Variants in CTNNA2 observed in about 807,000 individuals in gnomAD.
CTNNA2 encodes catenin alpha 2, also known as catenin alpha-2.
Under a neutral mutation model 101.0 loss-of-function variants are expected in CTNNA2, and 42 were observed. That is an observed-to-expected ratio of 0.42 (90% confidence interval 0.32 to 0.54). The LOEUF (loss-of-function observed/expected upper bound fraction) is 0.54. Among genes scored for constraint, CTNNA2 ranks in the 20% least tolerant of loss-of-function variants. CTNNA2 has a pLI of 0.14. For synonymous variants in CTNNA2, 450 were observed against 456.4 expected (o/e 0.99, Z 0.18); for missense variants, 871 against 1,223.1 (o/e 0.71, Z 4.29).
At chr2:80,489,483 T>C (rs11886059) in intron 9 of CTNNA2, among the ~76,000 whole-genome samples, 13,754 of 152,186 alleles carry the variant, frequency 0.09, 2,026 homozygotes, top group African/African-American at 0.31. Context: ...TTTCAGTAGA[T>C]CATCCTGAAC....
At chr2:80,126,778 C>A (rs1702159505) in intron 7 of CTNNA2, among the ~76,000 whole-genome samples, 1 of 152,022 alleles carries the variant, frequency 6.6e-6, no homozygotes, top group African/African-American at 2.4e-5. Context: ...TAAATCATGG[C>A]TGTCTGATTT....
chr2:79,880,344 G>A (rs564919002), intron 6 of CTNNA2, among the ~76,000 whole-genome samples: 6 of 152,146 alleles, frequency 3.9e-5, no homozygotes, highest in Non-Finnish European at 8.8e-5. Context: ...AATGAGTTAG[G>A]GAGGAGTCCT....
chr2:79,259,573 A>T (rs1431919971), intron 2 of CTNNA2, among the ~76,000 whole-genome samples: 1 of 152,134 alleles, frequency 6.6e-6, no homozygotes, highest in Non-Finnish European at 1.5e-5. Context: ...TTTTATTGCC[A>T]GGAACGCCCA....
In CTNNA2 at chr2:80,037,776, AT is replaced by A. The variant is rs372152658; in HGVS notation, c.1056+127981del. ...CTTATTCTCTTCTTTATTGTCATTCATTCTGTAACTAAAAAAAATTAGTTTT... is the reference window on the plus strand; with the variant it reads ...CTTATTCTCTTCTTTATTGTCATTCATCTGTAACTAAAAAAAATTAGTTTT... On this transcript the variant is annotated intron_variant, in intron 7 of 18. Transcript: ENST00000402739. Among the ~76,000 whole-genome samples, 17 of 152,302 alleles carry A rather than the reference AT, an allele frequency of 1.1e-4. No homozygotes were observed. The East Asian group carries it at 2.3e-3, about 21-fold the overall frequency.
At chr2:80,037,244 G>A (rs1172198627) in intron 7 of CTNNA2, among the ~76,000 whole-genome samples, 1 of 152,040 alleles carries the variant, frequency 6.6e-6, no homozygotes, top group East Asian at 1.9e-4. Flanking sequence ...AGAAGACTTG[G>A]TATTTTCTCA....
At chr2:79,861,983 A>G (rs747841276) in intron 4 of CTNNA2, among the ~76,000 whole-genome samples, 2 of 152,188 alleles carry the variant, frequency 1.3e-5, no homozygotes, top group Non-Finnish European at 2.9e-5. Flanking sequence ...GATATGTGGC[A>G]TCCGGAATTT....
chr2:80,611,235 TTTGC>T (rs1207997790), intron 17 of CTNNA2, among the ~76,000 whole-genome samples: 1 of 151,512 alleles, frequency 6.6e-6, no homozygotes, highest in Non-Finnish European at 1.5e-5. Flanking sequence ...TAGTTTAATG[TTTGC>T]TTGAATTCTT....
At chr2:79,188,485 A>C (rs1200638214) in intron 1 of CTNNA2, among the ~76,000 whole-genome samples, 2 of 152,182 alleles carry the variant, frequency 1.3e-5, no homozygotes, top group African/African-American at 4.8e-5. Flanking sequence ...GACCCCACCT[A>C]TTGCTGGAAC....
intron 9 of CTNNA2, among the ~76,000 whole-genome samples, chr2:80,428,323 C>T (rs551800767): frequency 6.6e-6 from 1 of 152,306 alleles, no homozygotes; most frequent in East Asian, 1.9e-4. Flanking sequence ...TAAAAGTTCA[C>T]AGTGCTGCTT....
At position 80,559,814 on chromosome 2, in the gene CTNNA2, T is replaced by A. The variant is rs572925388; in HGVS notation, c.1741+3921T>A. 9.2e-5 allele frequency among the ~76,000 whole-genome samples: 14 copies of A among 151,522 alleles called. 1 individual carries two copies. The highest frequency in any genetic ancestry group is 6.8e-3 in the Middle Eastern group (2 of 292). ...ACCAGACCCATCTTCATAGATCTCG[T>A]TTACAAAGTTGGGTTGCTGCAGGAG... On this transcript the variant is annotated intron_variant, in intron 12 of 18. Coordinates refer to ENST00000402739, the MANE Select transcript of CTNNA2 (RefSeq NM_001282597.3).
intron 1 of CTNNA2, among the ~76,000 whole-genome samples, chr2:79,625,450 A>T (rs977131177): frequency 1.3e-5 from 2 of 152,224 alleles, no homozygotes; most frequent in African/African-American, 4.8e-5. Context: ...CAATGGTAGA[A>T]TATAATAGAA....
chr2:79,619,097 T>C (rs187545086), intron 1 of CTNNA2, among the ~76,000 whole-genome samples: 1 of 152,238 alleles, frequency 6.6e-6, no homozygotes, highest in Non-Finnish European at 1.5e-5. Flanking sequence ...TCCCAGCTAG[T>C]TGGGAGGCTG....
chr2:79,863,889 G>T (rs1403726323), intron 4 of CTNNA2, among the ~76,000 whole-genome samples: 1 of 152,092 alleles, frequency 6.6e-6, no homozygotes, highest in African/African-American at 2.4e-5. Flanking sequence ...TTCATGGAGG[G>T]GTGTCTTGCT....
chr2:79,270,457 T>C (rs1191649646), intron 2 of CTNNA2, among the ~76,000 whole-genome samples: 1 of 152,102 alleles, frequency 6.6e-6, no homozygotes, highest in African/African-American at 2.4e-5. Context: ...ACCCCCTGCT[T>C]TGCTAATTCT....
chr2:79,490,618 A>G (rs527729073), intron 4 of CTNNA2, among the ~76,000 whole-genome samples: 4 of 152,312 alleles, frequency 2.6e-5, no homozygotes, highest in Middle Eastern at 3.4e-3. Flanking sequence ...AAGAGTTATT[A>G]CAACTGAATA....
At chr2:80,611,723 A>T (rs216675) in intron 17 of CTNNA2, among the ~76,000 whole-genome samples, 36,116 of 151,426 alleles carry the variant, frequency 0.24, 6,453 homozygotes, top group African/African-American at 0.51. Context: ...GAACAATATT[A>T]GAAATACTAA....
chr2:80,155,062 G>A (rs1703929418), intron 7 of CTNNA2, among the ~76,000 whole-genome samples: 2 of 152,142 alleles, frequency 1.3e-5, no homozygotes, highest in South Asian at 4.1e-4. Flanking sequence ...TCTCTTTAAT[G>A]TCTAGCTTAT....
rs915248420 is a variant in CTNNA2, at chr2:80,362,944, C to T, written c.1057-30267C>T. 6.0e-5 allele frequency among the ~76,000 whole-genome samples: 9 copies of T among 150,576 alleles called. No homozygotes were observed. The Admixed American group carries it at 6.0e-4, about 10-fold the overall frequency. On this transcript the variant is annotated intron_variant, in intron 7 of 18. Transcript: ENST00000402739. ...AGGCTTAGGTTTGCTATATATCAGG[C>T]CTGTGAATTACCACTGCACCATGGC...
At chr2:79,432,969 G>A (rs1678673135) in intron 4 of CTNNA2, among the ~76,000 whole-genome samples, 1 of 152,190 alleles carries the variant, frequency 6.6e-6, no homozygotes, top group Non-Finnish European at 1.5e-5. Flanking sequence ...GACAGCCTGG[G>A]CTGTCCCTGT....
Sources: allele counts gnomAD v4.1 joint callset (sites outside exome capture counted in the v4.1 genomes callset), GRCh38; gene constraint gnomAD v4.1.1; transcripts MANE v1.5; gene names NCBI Gene and HGNC (gene_info 2026-07-23, HGNC 2026-07-21).